KDM3B: variants seen among roughly 807,000 people sequenced by gnomAD.
KDM3B encodes lysine-specific demethylase 3B.
KDM3B carries 10 observed loss-of-function variants against 170.0 expected under a neutral mutation model. That is an observed-to-expected ratio of 0.06 (90% confidence interval 0.04 to 0.10). KDM3B has a LOEUF of 0.10. KDM3B is among the 10% of genes least tolerant of loss of function. The pLI, the probability that KDM3B is intolerant of heterozygous loss-of-function variation, is 1.00. For synonymous variants in KDM3B, 831 were observed against 834.8 expected, an observed-to-expected ratio of 1.00 and a Z score of 0.08; for missense variants, 1,394 against 2,195.2, an observed-to-expected ratio of 0.64 and a Z score of 7.29.
chr5:138,393,434 T>C (rs1251925751), intron 9 of KDM3B, 62 bp downstream of exon 9: 1 of 1,305,652 alleles, frequency 7.7e-7, no homozygotes, highest in Non-Finnish European at 1.1e-6. Flanking sequence ...ACTTCCACTC[T>C]TTCTCTGAGT....
chr5:138,376,839 A>T (rs1320551397), intron 3 of KDM3B, among the ~76,000 whole-genome samples: 1 of 152,206 alleles, frequency 6.6e-6, no homozygotes, highest in Admixed American at 6.5e-5. Flanking sequence ...ATGAAGTATC[A>T]TAGTTACAAA....
rs1763339214 is a variant in KDM3B, at chr5:138,424,191, G to A, written c.4089G>A (p.Gln1363=). The change falls in exon 16 of 24, where the codon CAG becomes CAA. Residue 1363 remains glutamine (Q), a synonymous_variant. Coordinates refer to ENST00000314358, the MANE Select transcript of KDM3B (RefSeq NM_016604.4). ...SKRACNLTDT[Q]KEVKEMVMGL... ...GGGCCTGCAACTTGACTGATACCCAGAAGGAAGTGAAGGAGATGGTGATGG... is the reference window on the plus strand; with the variant it reads ...GGGCCTGCAACTTGACTGATACCCAAAAGGAAGTGAAGGAGATGGTGATGG... 1.9e-6 allele frequency: 3 copies of A among 1,614,042 alleles called. No individual in the cohort carries two copies. Among genetic ancestry groups the A allele is most frequent in the Non-Finnish European group, 2.5e-6 (3 of 1,180,024 alleles).
At chr5:138,408,177 C>T (rs1230391244) in intron 11 of KDM3B, among the ~76,000 whole-genome samples, 2 of 152,078 alleles carry the variant, frequency 1.3e-5, no homozygotes, top group African/African-American at 2.4e-5. Flanking sequence ...AGCCAGCCTT[C>T]CCCTAAAGCT....
chr5:138,424,462 C>G lies in KDM3B; in HGVS notation c.4239+121C>G, dbSNP rs575115487. On this transcript the variant is annotated intron_variant, in intron 16 of 23. Transcript: ENST00000314358. ...AGACATAGTGAGGTTATTGTAATAGCCTTGCTACTTCGAGTTGTCTTGGAT... is the reference window on the plus strand; with the variant it reads ...AGACATAGTGAGGTTATTGTAATAGGCTTGCTACTTCGAGTTGTCTTGGAT... 6.9e-6 allele frequency: 8 copies of G among 1,158,644 alleles called. No individual in the cohort carries two copies. The East Asian group carries it at 7.1e-5, about 10-fold the overall frequency. 71.8% of individuals were successfully genotyped at this position (1,158,644 alleles called of 1,614,324 possible). A position where few individuals can be genotyped will look rare whatever the true frequency, so the allele number is the denominator to read the frequency against.
At chr5:138,378,801 TGATATATATATATA>T (rs1762059035) in intron 4 of KDM3B, among the ~76,000 whole-genome samples, 1 of 144,042 alleles carries the variant, frequency 6.9e-6, no homozygotes, top group Admixed American at 7.0e-5. Context: ...ATATATATCA[TGATATATATATATA>T]GATATATATA....
At chr5:138,431,074 A>G (rs1763519419) in intron 22 of KDM3B, among the ~76,000 whole-genome samples, 1 of 152,042 alleles carries the variant, frequency 6.6e-6, no homozygotes, top group African/African-American at 2.4e-5. Flanking sequence ...TTCTGTGCAA[A>G]TACTGATATT....
At chr5:138,419,722 CACACAT>C (rs1252186900) in intron 14 of KDM3B, among the ~76,000 whole-genome samples, 4 of 81,488 alleles carry the variant, frequency 4.9e-5, no homozygotes, top group East Asian at 3.0e-4. Flanking sequence ...TATATATACA[CACACAT>C]ACACACACAC....
intron 1 of KDM3B, among the ~76,000 whole-genome samples, chr5:138,354,591 ATTCACTTTGTCGT>A (rs1268754276): frequency 6.6e-6 from 1 of 152,178 alleles, no homozygotes. Flanking sequence ...ATGGCTCCCC[ATTCACTTTGTCGT>A]TTGCTGTGCT....
rs1442828627 is a variant in KDM3B at position 138,436,369 on chromosome 5, AGTT to A, written c.*673_*675del. ...ATTTTTAGAATTTTTGAAATACCAC[AGTT>A]GTTTTCCTGGATTATAAGGAAAGGC... On this transcript the variant is annotated 3_prime_UTR_variant, in exon 24 of 24. Transcript: ENST00000314358. 3 of 152,260 alleles carry A rather than the reference AGTT, an allele frequency of 2.0e-5. No individual in the cohort carries two copies. Among genetic ancestry groups the A allele is most frequent in the Non-Finnish European group, 2.9e-5 (2 of 68,048 alleles). The allele number at this position is 152,260 out of a possible 1,614,324, so 9.4% of individuals were successfully genotyped here. A position where few individuals can be genotyped will look rare whatever the true frequency, so the allele number is the denominator to read the frequency against.
At chr5:138,412,836 T>C (rs561107504) in intron 11 of KDM3B, among the ~76,000 whole-genome samples, 2 of 152,254 alleles carry the variant, frequency 1.3e-5, no homozygotes, top group East Asian at 1.9e-4. Context: ...AGAAATGGGG[T>C]CTCACTGTGT....
chr5:138,420,909 A>T lies in KDM3B; in HGVS notation c.3919A>T (p.Thr1307Ser). The T allele has an allele frequency of 6.2e-7, 1 of 1,613,646 alleles. No homozygotes were observed. The highest frequency in any genetic ancestry group is 8.5e-7 in the Non-Finnish European group (1 of 1,179,880). Residue 1307 changes from threonine to serine, a missense_variant, in exon 15 of 24, where the codon ACC becomes TCC. Around this residue, in one of 19 missense-constraint regions of KDM3B, gnomAD observed 137 missense variants for 166.9 expected, o/e 0.82. Coordinates refer to ENST00000314358, the MANE Select transcript of KDM3B (RefSeq NM_016604.4). The part of the protein sequence containing the change: ...LHSGPGKLPQ[T>S]PLDTGIPFPP... ...CTCCGGGCCGGGAAAACTTCCTCAAACCCCCTTGGACACAGGCATACCCTT... is the reference window on the plus strand; with the variant it reads ...CTCCGGGCCGGGAAAACTTCCTCAATCCCCCTTGGACACAGGCATACCCTT...
Position 138,392,215 on chromosome 5 carries a change from A to G in KDM3B, c.2583A>G (p.Lys861=), listed in dbSNP as rs768360417. The change falls in exon 8 of 24, where the codon AAA becomes AAG. Residue 861 remains lysine (K), a synonymous_variant. Coordinates refer to ENST00000314358, the MANE Select transcript of KDM3B (RefSeq NM_016604.4). ...CTGAGCTGTTGCTGGGCAAAAGCAA[A>G]GGGAAGCAGGCCCCCAAGGGCCGGC... The part of the protein sequence containing the change: ...RSAELLLGKS[K]GKQAPKGRPR... The G allele has an allele frequency of 1.3e-6, 2 of 1,506,440 alleles. No homozygotes were observed. The highest frequency in any genetic ancestry group is 2.2e-5 in the Admixed American group (1 of 44,762). The allele number at this position is 1,506,440 out of a possible 1,614,324, so 93.3% of individuals were successfully genotyped here.
At chr5:138,409,653 C>T (rs1403476757) in intron 11 of KDM3B, among the ~76,000 whole-genome samples, 5 of 152,156 alleles carry the variant, frequency 3.3e-5, no homozygotes, top group Admixed American at 1.3e-4. Context: ...TGTGGTGGCT[C>T]ATGTCTGTAA....
At chr5:138,383,195 G>A (rs540231361) in intron 6 of KDM3B, among the ~76,000 whole-genome samples, 1 of 151,892 alleles carries the variant, frequency 6.6e-6, no homozygotes, top group South Asian at 2.1e-4. Context: ...CTGGAGTGCA[G>A]TGGGGTGATC....
At chr5:138,356,578 TGGATATTA>T (rs1041981540) in intron 1 of KDM3B, among the ~76,000 whole-genome samples, 3 of 152,104 alleles carry the variant, frequency 2.0e-5, no homozygotes, top group Admixed American at 2.0e-4. Flanking sequence ...GTTCTGTGCA[TGGATATTA>T]ACTCCTTCAC....
intron 3 of KDM3B, among the ~76,000 whole-genome samples, chr5:138,377,161 A>G (rs1018479512): frequency 6.6e-6 from 1 of 152,162 alleles, no homozygotes; most frequent in Admixed American, 6.5e-5. Context: ...CTTTATTCAT[A>G]TTTATAATCC....
intron 1 of KDM3B, among the ~76,000 whole-genome samples, chr5:138,354,422 C>T (rs961487190): frequency 1.3e-5 from 2 of 152,176 alleles, no homozygotes; most frequent in Non-Finnish European, 2.9e-5. Context: ...TTCATTCTAC[C>T]ACCTTGGAGG....
At chr5:138,431,373 T>C (rs1763528175) in intron 22 of KDM3B, 52 bp from the exon 23 acceptor site, 2 of 1,429,392 alleles carry the variant, frequency 1.4e-6, no homozygotes, top group African/African-American at 2.9e-5. Flanking sequence ...TTTCCATATG[T>C]TATTGAATCT....
intron 7 of KDM3B, among the ~76,000 whole-genome samples, chr5:138,390,459 G>A (rs1762398282): frequency 1.3e-5 from 2 of 152,306 alleles, no homozygotes; most frequent in South Asian, 4.1e-4. Context: ...AAGGGTCCAT[G>A]TTGTGGACTT....
Sources: allele counts gnomAD v4.1 joint callset (sites outside exome capture counted in the v4.1 genomes callset), GRCh38; gene constraint gnomAD v4.1.1; regional missense constraint gnomAD v4.1.1; transcripts MANE v1.5; gene names NCBI Gene and HGNC (gene_info 2026-07-23, HGNC 2026-07-21).